LOX: variants seen among roughly 807,000 people sequenced by gnomAD.
LOX encodes lysyl oxidase.
A neutral mutation model predicts 50.5 loss-of-function variants in LOX; 12 were observed. The ratio of observed to expected loss-of-function variants is 0.24; its 90% CI spans 0.15 to 0.38. The LOEUF (loss-of-function observed/expected upper bound fraction) is 0.38. LOX is among the 10% of genes least tolerant of loss of function. LOX has a pLI of 1.00. For missense variants in LOX, 504 were observed against 563.8 expected (o/e 0.89, Z 1.07); for synonymous variants, 254 against 230.6 (o/e 1.10, Z -0.92).
chr5:122,070,147 G>C lies in LOX; in HGVS notation c.1153C>G (p.Leu385Val). The C allele has an allele frequency of 6.2e-7, 1 of 1,611,678 alleles. No individual in the cohort carries two copies. The highest frequency in any genetic ancestry group is 1.3e-5 in the African/African-American group (1 of 74,928). The change falls in exon 6 of 7, where the codon CTG becomes GTG. Residue 385 changes from leucine to valine, a missense_variant. This residue lies in a region of LOX where 106 missense variants were observed against 198.1 expected (regional missense o/e 0.54). Transcript: ENST00000231004. ...ILKVSVNPSY[L>V]VPESDYTNNV... ...TTGGTATAGTCAGATTCAGGAACCA[G>C]GTAGCTGGGGTTTACACTGACCTGG...
chr5:122,077,205 A>C lies in LOX; in HGVS notation c.631+150T>G. ...AGGAGGGGCCAGACGCGCGGTTTGCACTGGATTCCAGGGCTGCCACTGCAG... is the reference window on the plus strand; with the variant it reads ...AGGAGGGGCCAGACGCGCGGTTTGCCCTGGATTCCAGGGCTGCCACTGCAG... On this transcript the variant is annotated intron_variant, in intron 1 of 6. Transcript: ENST00000231004. The surrounding 1 kb of genome is among the most constrained non-coding windows in gnomAD (Gnocchi z 4.9). 6.8e-7 allele frequency: 1 copy of C among 1,478,902 alleles called. No homozygotes were observed. 91.6% of individuals were successfully genotyped at this position (1,478,902 alleles called of 1,614,324 possible). A position where few individuals can be genotyped will look rare whatever the true frequency, so the allele number is the denominator to read the frequency against.
rs1295621371 is a variant in LOX at position 122,077,336 on chromosome 5, C to A, written c.631+19G>T. On this transcript the variant is annotated intron_variant, in intron 1 of 6. Transcript: ENST00000231004. This position sits in a 1 kb window ranked among gnomAD's most constrained non-coding sequence, Gnocchi z 4.9. ...GGACCAGGTGCACGGGTGCTTCCAG[C>A]GGACTTGGGGGTACTTACCGTACTG... 36 of 1,613,270 alleles carry A rather than the reference C, an allele frequency of 2.2e-5. No homozygotes were observed. Among genetic ancestry groups the A allele is most frequent in the Non-Finnish European group, 3.1e-5 (36 of 1,179,904 alleles).
chr5:122,077,147 G>T lies in LOX; in HGVS notation c.632-146C>A. 4.8e-6 allele frequency: 7 copies of T among 1,468,190 alleles called. No individual in the cohort carries two copies. Among genetic ancestry groups the T allele is most frequent in the Non-Finnish European group, 6.3e-6 (7 of 1,115,584 alleles). The allele number at this position is 1,468,190 out of a possible 1,614,324, so 90.9% of individuals were successfully genotyped here. On this transcript the variant is annotated intron_variant, in intron 1 of 6. Coordinates refer to ENST00000231004, the MANE Select transcript of LOX (RefSeq NM_002317.7). The surrounding 1 kb of genome is among the most constrained non-coding windows in gnomAD (Gnocchi z 4.9). ...GGAGGACAGCAAGAGAACTGGGGAC[G>T]CCCGGGACTGCAAAGCAATGTGAAA...
chr5:122,070,278 T>A, intron 5 of LOX, 110 bp from the exon 6 acceptor site: 1 of 718,002 alleles, frequency 1.4e-6, no homozygotes, highest in Non-Finnish European at 2.5e-6. Flanking sequence ...TTAACTTAAG[T>A]AAGTGGTTAA....
At chr5:122,069,318 C>T (rs1227640107) in intron 6 of LOX, among the ~76,000 whole-genome samples, 1 of 152,070 alleles carries the variant, frequency 6.6e-6, no homozygotes, top group Non-Finnish European at 1.5e-5. Context: ...GAAGGCATAA[C>T]TCAAGTGGCA....
intron 2 of LOX, 70 bp downstream of exon 2, chr5:122,076,823 C>G (rs953115827): frequency 2.1e-4 from 286 of 1,382,118 alleles, no homozygotes; most frequent in Non-Finnish European, 2.8e-4. Flanking sequence ...CAGTAGCAGT[C>G]AGAACCAGGC....
rs1433718115 is a variant in LOX, at chr5:122,065,676, T to C, written c.*1067A>G. The stretch of plus-strand genomic sequence containing the variant: ...TGATGTTCCTGTGTTCTAGATAATA[T>C]AAAATTTTTAACATTCCTCTAATAG... On this transcript the variant is annotated 3_prime_UTR_variant, in exon 7 of 7. Transcript: ENST00000231004. The C allele has an allele frequency of 6.6e-6, 1 of 152,080 alleles. No individual in the cohort carries two copies. Among genetic ancestry groups the C allele is most frequent in the Non-Finnish European group, 1.5e-5 (1 of 67,990 alleles). 9.4% of individuals were successfully genotyped at this position (152,080 alleles called of 1,614,324 possible).
intron 6 of LOX, among the ~76,000 whole-genome samples, chr5:122,067,421 C>T (rs1426328286): frequency 6.6e-6 from 1 of 152,040 alleles, no homozygotes; most frequent in Non-Finnish European, 1.5e-5. Context: ...ACAGCACATA[C>T]CTATTCAACT....
intron 4 of LOX, among the ~76,000 whole-genome samples, chr5:122,072,267 A>C (rs1304448465): frequency 6.6e-6 from 1 of 152,184 alleles, no homozygotes; most frequent in East Asian, 1.9e-4. Flanking sequence ...ACTTAAGTAT[A>C]AGCTTTGATT....
chr5:122,070,364 T>G (rs776080229), intron 5 of LOX, 130 bp downstream of exon 5: 4 of 648,670 alleles, frequency 6.2e-6, no homozygotes, highest in Non-Finnish European at 8.2e-6. Context: ...TAGATTAGAT[T>G]AGATTGTTTA....
In LOX at chr5:122,074,026, G is replaced by T; in HGVS notation, c.1022C>A (p.Thr341Asn). 6.2e-7 allele frequency: 1 copy of T among 1,614,002 alleles called. No individual in the cohort carries two copies. Among genetic ancestry groups the T allele is most frequent in the Non-Finnish European group, 8.5e-7 (1 of 1,179,962 alleles). The change falls in exon 4 of 7, where the codon ACT (threonine) becomes AAT (asparagine). Residue 341 changes from threonine (T) to asparagine (N), a missense_variant. By Grantham distance (65) the Thr-to-Asn change is moderately conservative. This residue lies in a region of LOX where 106 missense variants were observed against 198.1 expected (regional missense o/e 0.54). Transcript: ENST00000231004. ...GTGCCAACATACCTGTGTGTGTGCA[G>T]TACATGCAAATCGCCTGTGGTAGCC... The part of the protein sequence containing the change: ...DYGYHRRFAC[T>N]AHTQGLSPGC...
Position 122,077,734 on chromosome 5 carries a change from G to C in LOX, c.252C>G (p.Ala84=). ...AAVPGAANAS[A]QQPRTPILLI... is the part of the protein sequence containing the mutation. ...GCAGGATCGGAGTGCGGGGCTGCTG[G>C]GCGGAGGCGTTGGCTGCACCAGGGA... Residue 84 remains alanine, a synonymous_variant, in exon 1 of 7, where the codon GCC becomes GCG. Transcript: ENST00000231004. The surrounding 1 kb of genome is among the most constrained non-coding windows in gnomAD (Gnocchi z 4.9). 6.4e-7 allele frequency: 1 copy of C among 1,574,790 alleles called. No homozygotes were observed. The highest frequency in any genetic ancestry group is 8.6e-7 in the Non-Finnish European group (1 of 1,164,728).
chr5:122,073,557 T>C (rs1754517801), intron 4 of LOX, among the ~76,000 whole-genome samples: 1 of 152,194 alleles, frequency 6.6e-6, no homozygotes, highest in South Asian at 2.1e-4. Context: ...CAGAGATATC[T>C]TTTTTTACAG....
chr5:122,077,577 C>G lies in LOX; in HGVS notation c.409G>C (p.Ala137Pro), dbSNP rs2914604. Residue 137 changes from alanine (A) to proline (P), a missense_variant, in exon 1 of 7, where the codon GCT becomes CCT. Physicochemically the swap from Ala to Pro is conservative, Grantham distance 27 (BLOSUM62 -1). Around this residue, in one of 2 missense-constraint regions of LOX, gnomAD observed 398 missense variants for 365.8 expected, o/e 1.09. Coordinates refer to ENST00000231004, the MANE Select transcript of LOX (RefSeq NM_002317.7). The surrounding 1 kb of genome is among the most constrained non-coding windows in gnomAD (Gnocchi z 4.9). ...TGGTTCTCCGCGCGCGAGGCGCCAG[C>G]TTCGCGGGCTCTAGATGTCGAGTAG... ...AGYSTSRARE[A>P]GASRAENQTA... is the part of the protein sequence containing the mutation. 1 of 1,612,840 alleles carries G rather than the reference C, an allele frequency of 6.2e-7. No homozygotes were observed.
chr5:122,072,027 T>G (rs192642035), intron 4 of LOX, among the ~76,000 whole-genome samples: 128 of 152,336 alleles, frequency 8.4e-4, no homozygotes, highest in Non-Finnish European at 1.4e-3. Context: ...GAAGAATTTT[T>G]GGTCTGATTC....
In LOX at chr5:122,069,567, A is replaced by G. The variant is rs547885430; in HGVS notation, c.1247+486T>C. On this transcript the variant is annotated intron_variant, in intron 6 of 6. Transcript: ENST00000231004. ...TTTGCAGAGTATTTTCCTAGTATCAATGGTTCTAGAACTCAAATATATGAC... is the reference window on the plus strand; with the variant it reads ...TTTGCAGAGTATTTTCCTAGTATCAGTGGTTCTAGAACTCAAATATATGAC... Among the ~76,000 whole-genome samples, 6 of 152,234 alleles carry G rather than the reference A, an allele frequency of 3.9e-5. No individual in the cohort carries two copies. The South Asian group carries it at 1.2e-3, about 32-fold the overall frequency.
At chr5:122,070,626 A>C (rs757423292) in intron 4 of LOX, 37 bp from the exon 5 acceptor site, 1 of 1,102,982 alleles carries the variant, frequency 9.1e-7, no homozygotes, top group East Asian at 2.4e-5. Context: ...AAATTATGGT[A>C]TGTGGTCAGA....
Position 122,074,048 on chromosome 5 carries a change from A to G in LOX, c.1000T>C (p.Tyr334His). ...GCAGTACATGCAAATCGCCTGTGGT[A>G]GCCATAGTCACAGGATGTGTCTTCA... ...CLEDTSCDYG[Y>H]HRRFACTAHT... is the part of the protein sequence containing the mutation. The change falls in exon 4 of 7, where the codon TAC becomes CAC. Residue 334 changes from tyrosine to histidine, a missense_variant. Around this residue, in one of 2 missense-constraint regions of LOX, gnomAD observed 106 missense variants for 198.1 expected, o/e 0.54. Transcript: ENST00000231004. 1 of 1,614,066 alleles carries G rather than the reference A, an allele frequency of 6.2e-7. No homozygotes were observed. The highest frequency in any genetic ancestry group is 8.5e-7 in the Non-Finnish European group (1 of 1,179,938).
rs1754661098 is a variant in LOX, at chr5:122,077,116, T to G, written c.632-115A>C. 4 of 1,496,270 alleles carry G rather than the reference T, an allele frequency of 2.7e-6. No individual in the cohort carries two copies. Among genetic ancestry groups the G allele is most frequent in the Middle Eastern group, 2.1e-4 (1 of 4,660 alleles). The allele number at this position is 1,496,270 out of a possible 1,614,324, so 92.7% of individuals were successfully genotyped here. A position where few individuals can be genotyped will look rare whatever the true frequency, so the allele number is the denominator to read the frequency against. ...CCCTTCGCCCACCGGGACTGCAGAGTGGAGCGGAGGACAGCAAGAGAACTG... is the reference window on the plus strand; with the variant it reads ...CCCTTCGCCCACCGGGACTGCAGAGGGGAGCGGAGGACAGCAAGAGAACTG... On this transcript the variant is annotated intron_variant, in intron 1 of 6. Transcript: ENST00000231004. The surrounding 1 kb of genome is among the most constrained non-coding windows in gnomAD (Gnocchi z 4.9).
Sources: gnomAD v4.1 joint callset for allele counts (sites outside exome capture counted in the v4.1 genomes callset) on GRCh38, gnomAD v4.1.1 for gene constraint, gnomAD v4.1.1 regional missense constraint, Gnocchi (gnomAD v3.1) non-coding constraint, MANE v1.5 for transcripts, NCBI Gene and HGNC (gene_info 2026-07-23, HGNC 2026-07-21) for gene names.